ARHGEF3: variants seen among roughly 807,000 people sequenced by gnomAD.
ARHGEF3 encodes the protein 59.8 kDA protein.
In ARHGEF3, 28 loss-of-function variants were observed where a neutral mutation model predicts 63.2. That is an observed-to-expected ratio of 0.44 (90% CI 0.33 to 0.61). The LOEUF is 0.61. Ranked by LOEUF, ARHGEF3 falls within the 20% of genes least tolerant of loss-of-function variation. The pLI, the probability that ARHGEF3 is intolerant of heterozygous loss-of-function variation, is 0.03. For synonymous variants in ARHGEF3, 266 were observed against 254.2 expected, an observed-to-expected ratio of 1.05 and a Z score of -0.44; for missense variants, 533 against 659.3, an observed-to-expected ratio of 0.81 and a Z score of 2.10.
chr3:56,822,513 T>C (rs770321259), intron 4 of ARHGEF3, among the ~76,000 whole-genome samples: 3 of 152,304 alleles, frequency 2.0e-5, no homozygotes, highest in Non-Finnish European at 2.9e-5. Flanking sequence ...TATGTATATA[T>C]ATATGTGAAA....
chr3:57,077,220 T>C (rs1279501983), intron 1 of ARHGEF3, among the ~76,000 whole-genome samples: 1 of 152,194 alleles, frequency 6.6e-6, no homozygotes, highest in Non-Finnish European at 1.5e-5. Flanking sequence ...TTTCCCCTAA[T>C]TGACCAAGTC....
chr3:56,747,652 G>A (rs185201850), intron 6 of ARHGEF3, among the ~76,000 whole-genome samples: 12 of 152,230 alleles, frequency 7.9e-5, no homozygotes, highest in South Asian at 2.1e-4. Flanking sequence ...GCAAAATCCC[G>A]TCTTTACTAA....
intron 4 of ARHGEF3, among the ~76,000 whole-genome samples, chr3:56,807,748 C>T (rs7640843): frequency 0.44 from 66,268 of 152,106 alleles, 17,367 homozygotes; most frequent in Non-Finnish European, 0.57. Flanking sequence ...ATGAAGCAAC[C>T]ATCATCTCTA....
chr3:57,028,110 C>T (rs985434629), intron 2 of ARHGEF3, among the ~76,000 whole-genome samples: 1 of 150,802 alleles, frequency 6.6e-6, no homozygotes, highest in Non-Finnish European at 1.5e-5. Flanking sequence ...TAAACTAGTT[C>T]AACCATTGTG....
At position 56,968,063 on chromosome 3, in the gene ARHGEF3, T is replaced by C. The variant is rs1162313548; in HGVS notation, c.63-9174A>G. Among the ~76,000 whole-genome samples, 10 of 27,384 alleles carry C rather than the reference T, an allele frequency of 3.7e-4. 1 individual carries two copies. In the East Asian group the frequency reaches 0.015, roughly 42 times the overall value. The allele number at this position is 27,384 out of a possible 152,430, so 18.0% of individuals were successfully genotyped here. ...TATAAAATATATATAATATATATAA[T>C]ATATATAATATATTATATATTTATT... On this transcript the variant is annotated intron_variant, in intron 2 of 12. Coordinates refer to the ARHGEF3 transcript ENST00000338458.
intron 1 of ARHGEF3, among the ~76,000 whole-genome samples, chr3:57,065,177 G>A (rs545316736): frequency 2.6e-5 from 4 of 152,266 alleles, no homozygotes; most frequent in East Asian, 1.9e-4. Flanking sequence ...GCAAAAGGCC[G>A]GGCGCAGTGG....
chr3:56,888,934 A>G lies in ARHGEF3; in HGVS notation c.130-6580T>C, dbSNP rs546709036. 1.2e-4 allele frequency among the ~76,000 whole-genome samples: 18 copies of G among 152,196 alleles called. No individual in the cohort carries two copies. In the East Asian group the frequency reaches 2.9e-3, roughly 25 times the overall value. ...AAAACAAAAACAAAAACAAAAAACA[A>G]AAATGACCAGGGGGTCCCTTTGCTA... On this transcript the variant is annotated intron_variant, in intron 3 of 12. Transcript: ENST00000338458.
At chr3:56,796,031 C>A (rs2107942920) in intron 1 of ARHGEF3, among the ~76,000 whole-genome samples, 1 of 151,574 alleles carries the variant, frequency 6.6e-6, no homozygotes, top group Middle Eastern at 3.4e-3. Context: ...CCTGACAGTC[C>A]ATGAGCCAAC....
intron 3 of ARHGEF3, among the ~76,000 whole-genome samples, chr3:56,896,844 C>T (rs1251454946): frequency 1.3e-5 from 2 of 152,200 alleles, no homozygotes; most frequent in Non-Finnish European, 2.9e-5. Context: ...TAGCACATCA[C>T]CTCAGAAGAC....
chr3:57,017,692 C>T (rs7653818), intron 2 of ARHGEF3, among the ~76,000 whole-genome samples: 70,382 of 151,962 alleles, frequency 0.46, 16,684 homozygotes, highest in African/African-American at 0.5. Context: ...TCCTTTCCCA[C>T]GATGTCGTCA....
At chr3:56,764,453 AG>A (rs2035588024) in intron 2 of ARHGEF3, among the ~76,000 whole-genome samples, 1 of 152,188 alleles carries the variant, frequency 6.6e-6, no homozygotes, top group Admixed American at 6.5e-5. Context: ...GCCAAACTTC[AG>A]GCTTTATTAT....
intron 3 of ARHGEF3, among the ~76,000 whole-genome samples, chr3:56,948,603 C>T (rs2106662450): frequency 6.6e-6 from 1 of 152,170 alleles, no homozygotes; most frequent in Non-Finnish European, 1.5e-5. Context: ...TCTGAATAGA[C>T]CAATAACAGG....
intron 2 of ARHGEF3, among the ~76,000 whole-genome samples, chr3:56,760,209 A>C (rs1383699881): frequency 6.6e-6 from 1 of 152,196 alleles, no homozygotes; most frequent in Non-Finnish European, 1.5e-5. Flanking sequence ...TTGACCTCCA[A>C]ATAGGCTATT....
At chr3:56,997,338 G>A (rs1019211658) in intron 2 of ARHGEF3, among the ~76,000 whole-genome samples, 11 of 152,134 alleles carry the variant, frequency 7.2e-5, no homozygotes, top group Non-Finnish European at 1.2e-4. Context: ...TGCAGAGCAG[G>A]GTCCACATTT....
chr3:56,985,289 A>G (rs146321868), intron 2 of ARHGEF3, among the ~76,000 whole-genome samples: 219 of 152,346 alleles, frequency 1.4e-3, no homozygotes, highest in Middle Eastern at 0.01. Flanking sequence ...GGGTTTCACC[A>G]TGTTGGCCAG....
At chr3:57,053,143 G>A (rs1704746595) in intron 1 of ARHGEF3, among the ~76,000 whole-genome samples, 1 of 152,228 alleles carries the variant, frequency 6.6e-6, no homozygotes, top group African/African-American at 2.4e-5. Flanking sequence ...GGAAGCACCA[G>A]ATAAATGCAC....
chr3:56,955,266 G>C (rs978876438), intron 3 of ARHGEF3, among the ~76,000 whole-genome samples: 1 of 148,554 alleles, frequency 6.7e-6, no homozygotes, highest in Middle Eastern at 3.4e-3. Flanking sequence ...TGCAACCATC[G>C]CTCCCTGCAG....
intron 1 of ARHGEF3, among the ~76,000 whole-genome samples, chr3:57,077,422 C>T (rs1425268299): frequency 6.6e-6 from 1 of 152,106 alleles, no homozygotes; most frequent in African/African-American, 2.4e-5. Flanking sequence ...GGAAAAATAA[C>T]TGTGCTTCAA....
chr3:56,935,911 A>G (rs1315451724), intron 3 of ARHGEF3, among the ~76,000 whole-genome samples: 1 of 152,198 alleles, frequency 6.6e-6, no homozygotes, highest in Non-Finnish European at 1.5e-5. Context: ...TGAGCTACAT[A>G]TGATTTCAGA....
Sources: gnomAD v4.1 joint callset for allele counts (sites outside exome capture counted in the v4.1 genomes callset) on GRCh38, gnomAD v4.1.1 for gene constraint, MANE v1.5 for transcripts, NCBI Gene and HGNC (gene_info 2026-07-23, HGNC 2026-07-21) for gene names.